The following MYO18A variants were observed in gnomAD, a reference collection of about 807,000 sequenced individuals.
MYO18A encodes the protein myosin XVIIIA, also known as unconventional myosin-XVIIIa.
Under a neutral mutation model 235.8 loss-of-function variants are expected in MYO18A, and 78 were observed. The observed-to-expected ratio is 0.33, with a 90% CI of 0.28 to 0.40. MYO18A has a LOEUF of 0.40. Among genes scored for constraint, MYO18A ranks in the 10% least tolerant of loss-of-function variants. The pLI, the probability that MYO18A is intolerant of heterozygous loss-of-function variation, is 1.00. For synonymous variants in MYO18A, 977 were observed against 1,077.8 expected (o/e 0.91, Z 1.83); for missense variants, 2,215 against 2,699.3 (o/e 0.82, Z 3.98).
chr17:29,123,519 C>T (rs753093361), intron 2 of MYO18A, among the ~76,000 whole-genome samples: 2 of 152,206 alleles, frequency 1.3e-5, no homozygotes, highest in Middle Eastern at 3.2e-3. Context: ...GTAAAGGAGA[C>T]GTGGGCTCTC....
In MYO18A at chr17:29,114,091, T is replaced by C. The variant is rs1269126597; in HGVS notation, c.2518A>G (p.Ile840Val). The C allele has an allele frequency of 1.3e-6, 2 of 1,596,218 alleles. No individual in the cohort carries two copies. Among genetic ancestry groups the C allele is most frequent in the Non-Finnish European group, 1.7e-6 (2 of 1,171,680 alleles). Residue 840 changes from isoleucine to valine, a missense_variant, in exon 15 of 42, where the codon ATC becomes GTC. Transcript: ENST00000527372. ...TCCAAGTCGTCAAACGCCAGCTCGA[T>C]GTTCTCCTGGGAAAGAAGGCCGAGC... ...QELERYKEEN[I>V]ELAFDDLEPP...
chr17:29,074,752 G>GCCAA lies in MYO18A; in HGVS notation c.*14_*17dup. On this transcript the variant is annotated 3_prime_UTR_variant, in exon 42 of 42. Transcript: ENST00000527372. The surrounding 1 kb of genome is among the most constrained non-coding windows in gnomAD (Gnocchi z 4.4). ...CCACAGGCCCTGGGGTGAGAGGGCTGCCAACCACTCCCCTGGGCTATGCGT... is the reference window on the plus strand; with the variant it reads ...CCACAGGCCCTGGGGTGAGAGGGCTGCCAACCAACCACTCCCCTGGGCTATGCGT... The GCCAA allele has an allele frequency of 3.7e-6, 6 of 1,613,320 alleles. No individual in the cohort carries two copies. The highest frequency in any genetic ancestry group is 1.7e-4 in the Middle Eastern group (1 of 6,060).
Position 29,115,001 on chromosome 17 carries a change from G to A in MYO18A, c.2417C>T (p.Ser806Phe). The A allele has an allele frequency of 6.2e-7, 1 of 1,613,998 alleles. No individual in the cohort carries two copies. Among genetic ancestry groups the A allele is most frequent in the South Asian group, 1.1e-5 (1 of 91,090 alleles). ...GTAGTTGTGGCACAGCTCCTCAAAGGAGGCTCCGCGGGCTGACCCACCCTG... is the reference window on the plus strand; with the variant it reads ...GTAGTTGTGGCACAGCTCCTCAAAGAAGGCTCCGCGGGCTGACCCACCCTG... Reference protein sequence around the residue: ...PEQGGSARGASFEELCHNYTQ... With the variant: ...PEQGGSARGAFFEELCHNYTQ... Residue 806 changes from serine (S) to phenylalanine (F), a missense_variant, in exon 14 of 42, where the codon TCC (serine) becomes TTC (phenylalanine). Physicochemically the swap from Ser to Phe is radical, Grantham distance 155. Transcript: ENST00000527372.
intron 2 of MYO18A, among the ~76,000 whole-genome samples, chr17:29,134,378 C>A (rs765825795): frequency 2.6e-5 from 4 of 152,120 alleles, no homozygotes; most frequent in Non-Finnish European, 4.4e-5. Context: ...CTGACGTGCC[C>A]GGCCAGAAGC....
chr17:29,175,619 C>T (rs2068506853), intron 1 of MYO18A, among the ~76,000 whole-genome samples: 1 of 152,024 alleles, frequency 6.6e-6, no homozygotes. Flanking sequence ...CTATCTCAGC[C>T]TCCCAAAGTC....
intron 2 of MYO18A, among the ~76,000 whole-genome samples, chr17:29,143,932 C>T (rs989719935): frequency 6.6e-6 from 1 of 152,224 alleles, no homozygotes; most frequent in African/African-American, 2.4e-5. Flanking sequence ...CTCTTAGGCA[C>T]CACCATGCTG....
intron 2 of MYO18A, chr17:29,128,326 C>T: frequency 7.9e-7 from 1 of 1,258,842 alleles, no homozygotes; most frequent in Non-Finnish European, 1.0e-6. Flanking sequence ...CGCTGGGCAG[C>T]ACCTTACTCA....
chr17:29,140,781 C>G lies in MYO18A; in HGVS notation c.1000-18528G>C, dbSNP rs571295985. Among the ~76,000 whole-genome samples the G allele has an allele frequency of 6.6e-6, 1 of 152,078 alleles. No individual in the cohort carries two copies. Among genetic ancestry groups the G allele is most frequent in the South Asian group, 2.1e-4 (1 of 4,826 alleles). On this transcript the variant is annotated intron_variant, in intron 2 of 41. Coordinates refer to ENST00000527372, the MANE Select transcript of MYO18A (RefSeq NM_078471.4). The surrounding 1 kb of genome is among the most constrained non-coding windows in gnomAD (Gnocchi z 4.2). ...CAAGCTTGAGACAAGCACATGCGCA[C>G]TCATGTGCATGTACACGTATACACA...
At position 29,110,028 on chromosome 17, in the gene MYO18A, C is replaced by T; in HGVS notation, c.3161G>A (p.Trp1054Ter). 1 of 1,613,250 alleles carries T rather than the reference C, an allele frequency of 6.2e-7. No homozygotes were observed. The highest frequency in any genetic ancestry group is 1.1e-5 in the South Asian group (1 of 91,020). The change falls in exon 19 of 42, where the codon TGG becomes TAG. Residue 1054 changes from tryptophan to a stop codon, truncating the protein, a stop_gained. Coordinates refer to ENST00000527372, the MANE Select transcript of MYO18A (RefSeq NM_078471.4). LOFTEE classifies it high-confidence loss of function. Reference protein sequence around the residue: ...VHCFLPVAEGWAGEPRSASSR... With the variant: ...VHCFLPVAEG The stretch of plus-strand genomic sequence containing the variant: ...GGAGGCGGAACGGGGCTCCCCAGCC[C>T]AGCCCTCAGCTACAGGCAGGAAGCA...
rs149726067 is a variant in MYO18A at position 29,109,850 on chromosome 17, G to T, written c.3331+8C>A. ...AGAGCCCAGAGTGGAGAGGAAAGGA[G>T]GCCCCACCTTGGCGGTACATGCGCA... On this transcript the variant is annotated splice_region_variant and intron_variant, in intron 19 of 41. Coordinates refer to ENST00000527372, the MANE Select transcript of MYO18A (RefSeq NM_078471.4). The surrounding 1 kb of genome is among the most constrained non-coding windows in gnomAD (Gnocchi z 4.1). 1,203 of 1,550,082 alleles carry T rather than the reference G, an allele frequency of 7.8e-4. 8 individuals carry two copies. In the African/African-American group the frequency reaches 0.015, roughly 19 times the overall value.
intron 21 of MYO18A, among the ~76,000 whole-genome samples, chr17:29,100,808 T>C (rs2066635394): frequency 6.6e-6 from 1 of 152,188 alleles, no homozygotes; most frequent in Non-Finnish European, 1.5e-5. Flanking sequence ...AAGGCCCCCT[T>C]CAGCAAAGAT....
chr17:29,125,081 A>ACC lies in MYO18A; in HGVS notation c.1000-2830_1000-2829dup, dbSNP rs2067289375. Among the ~76,000 whole-genome samples the ACC allele has an allele frequency of 6.6e-6, 1 of 152,086 alleles. No individual in the cohort carries two copies. The highest frequency in any genetic ancestry group is 2.1e-4 in the South Asian group (1 of 4,820). On this transcript the variant is annotated intron_variant, in intron 2 of 41. Transcript: ENST00000527372. This position sits in a 1 kb window ranked among gnomAD's most constrained non-coding sequence, Gnocchi z 5.1. ...CTACCAGGTCAGGCCACCTCACCAC[A>ACC]CCCAAGGCCTGGGCCCCCTGCCAGC... is the stretch of plus-strand genomic sequence containing the variant.
Position 29,111,827 on chromosome 17 carries a change from G to A in MYO18A, c.2635C>T (p.Leu879=). The A allele has an allele frequency of 6.2e-7, 1 of 1,613,824 alleles. No individual in the cohort carries two copies. The change falls in exon 16 of 42, where the codon CTG becomes TTG. Residue 879 remains leucine (L), a synonymous_variant. Transcript: ENST00000527372. The surrounding 1 kb of genome is among the most constrained non-coding windows in gnomAD (Gnocchi z 5.1). ...SLARTDEARG[L]LWLLEEEALV... is the part of the protein sequence containing the mutation. ...GCCTCCTCTTCCAATAGCCAGAGCA[G>A]GCCCCTCGCCTCGTCTGTGCGGGCC...
chr17:29,137,877 T>C (rs991068448), intron 2 of MYO18A, among the ~76,000 whole-genome samples: 6 of 152,218 alleles, frequency 3.9e-5, no homozygotes, highest in African/African-American at 1.2e-4. Context: ...TATTTTGGTA[T>C]GTATTTGTTA....
At position 29,165,998 on chromosome 17, in the gene MYO18A, C is replaced by T. The variant is rs1476934720; in HGVS notation, c.943G>A (p.Glu315Lys). 1.2e-6 allele frequency: 2 copies of T among 1,613,614 alleles called. No individual in the cohort carries two copies. The highest frequency in any genetic ancestry group is 2.2e-5 in the East Asian group (1 of 44,886). The change falls in exon 2 of 42, where the codon GAG becomes AAG. Residue 315 changes from glutamate to lysine, a missense_variant. Glu to Lys is a moderately conservative substitution (Grantham distance 56, BLOSUM62 1). Transcript: ENST00000527372. ...LKVQPIPELS[E>K]LSRSWLRSGE... ...CTCCGCAGCCAGCTCCTGCTGAGCT[C>T]GCTGAGCTCTGGAATGGGCTGCACC...
rs1598410371 is a variant in MYO18A at position 29,180,240 on chromosome 17, G to A, written c.-82+73C>T. ...CGCCGCCCGCCCGCCCTCCCTCCCG[G>A]CCGGAGCCCGCCCCGCCGCCCCACC... On this transcript the variant is annotated intron_variant, in intron 1 of 41. Coordinates refer to ENST00000527372, the MANE Select transcript of MYO18A (RefSeq NM_078471.4). The surrounding 1 kb of genome is among the most constrained non-coding windows in gnomAD (Gnocchi z 6.1). 1 of 129,900 alleles carries A rather than the reference G, an allele frequency of 7.7e-6. No individual in the cohort carries two copies. The highest frequency in any genetic ancestry group is 2.8e-4 in the South Asian group (1 of 3,544). 8.0% of individuals were successfully genotyped at this position (129,900 alleles called of 1,614,324 possible). A position where few individuals can be genotyped will look rare whatever the true frequency, so the allele number is the denominator to read the frequency against.
Position 29,110,008 on chromosome 17 carries a change from C to A in MYO18A, c.3181G>T (p.Ala1061Ser), listed in dbSNP as rs768372239. 1.9e-6 allele frequency: 3 copies of A among 1,612,346 alleles called. No homozygotes were observed. The highest frequency in any genetic ancestry group is 2.5e-6 in the Non-Finnish European group (3 of 1,179,494). Residue 1061 changes from alanine to serine, a missense_variant, in exon 19 of 42, where the codon GCC becomes TCC. Transcript: ENST00000527372. ...CTGCTGCTGACTCGGCGGGAGGAGG[C>A]GGAACGGGGCTCCCCAGCCCAGCCC... Reference protein sequence around the residue: ...AEGWAGEPRSASSRRVSSSSE... With the variant: ...AEGWAGEPRSSSSRRVSSSSE...
At position 29,103,615 on chromosome 17, in the gene MYO18A, C is replaced by T; in HGVS notation, c.3491G>A (p.Cys1164Tyr). 1.2e-6 allele frequency: 2 copies of T among 1,613,922 alleles called. No homozygotes were observed. Among genetic ancestry groups the T allele is most frequent in the Non-Finnish European group, 1.7e-6 (2 of 1,179,896 alleles). Residue 1164 changes from cysteine to tyrosine, a missense_variant, in exon 21 of 42, where the codon TGC (cysteine) becomes TAC (tyrosine). Physicochemically the swap from Cys to Tyr is radical, Grantham distance 194. Transcript: ENST00000527372. Reference sequence around the variant, plus strand: ...ACAACTCACCCGGCTCAGGCCCATGCAGCAGCTGCTCTTCTCCAGATCCAA... The same window carrying T: ...ACAACTCACCCGGCTCAGGCCCATGTAGCAGCTGCTCTTCTCCAGATCCAA... ...ECLDLEKSSC[C>Y]MGLSRVFFRA...
At chr17:29,081,360 CG>C (rs918077332) in intron 41 of MYO18A, among the ~76,000 whole-genome samples, 22 of 152,092 alleles carry the variant, frequency 1.4e-4, no homozygotes, top group Non-Finnish European at 2.8e-4. Flanking sequence ...GGCAGTGGGG[CG>C]GGGAAGCCGG....
Sources: allele counts gnomAD v4.1 joint callset (sites outside exome capture counted in the v4.1 genomes callset), GRCh38; gene constraint gnomAD v4.1.1; non-coding constraint Gnocchi (gnomAD v3.1); transcripts MANE v1.5; gene names NCBI Gene and HGNC (gene_info 2026-07-23, HGNC 2026-07-21).